Variants in ADAMTSL3 observed in about 807,000 individuals in gnomAD.
ADAMTSL3 encodes ADAMTS like 3.
In ADAMTSL3, 128 loss-of-function variants were observed where a neutral mutation model predicts 201.7. That is an observed-to-expected ratio of 0.63 (90% CI 0.55 to 0.73). The LOEUF is 0.73. ADAMTSL3 is among the 30% of genes least tolerant of loss of function. The pLI is 0.00. For synonymous variants in ADAMTSL3, 738 were observed against 748.4 expected (o/e 0.99, Z 0.23); for missense variants, 1,990 against 2,119.6 (o/e 0.94, Z 1.20).
chr15:83,964,056 A>T (rs769913374), intron 19 of ADAMTSL3, among the ~76,000 whole-genome samples: 2 of 152,218 alleles, frequency 1.3e-5, no homozygotes, highest in African/African-American at 4.8e-5. Context: ...ATAAATTCAC[A>T]AAGATGTGGA....
chr15:83,820,620 T>TA (rs1370165097), intron 6 of ADAMTSL3, among the ~76,000 whole-genome samples: 1 of 152,214 alleles, frequency 6.6e-6, no homozygotes, highest in Non-Finnish European at 1.5e-5. Context: ...TAAGCTTTCT[T>TA]ATTAAAATTA....
chr15:83,882,230 C>A lies in ADAMTSL3; in HGVS notation c.961-2871C>A, dbSNP rs78582839. On this transcript the variant is annotated intron_variant, in intron 9 of 29. Transcript: ENST00000286744. ...TTTAGGCAGCATTTTTATTTATTCTCATTGGGGAGATTCATCAGAAACAAG... is the reference window on the plus strand; with the variant it reads ...TTTAGGCAGCATTTTTATTTATTCTAATTGGGGAGATTCATCAGAAACAAG... Among the ~76,000 whole-genome samples, 425 of 152,250 alleles carry A rather than the reference C, an allele frequency of 2.8e-3. 3 individuals carry two copies. The highest frequency in any genetic ancestry group is 9.9e-3 in the African/African-American group (412 of 41,556).
chr15:83,959,791 T>C (rs1157971571), intron 19 of ADAMTSL3, among the ~76,000 whole-genome samples: 1 of 152,212 alleles, frequency 6.6e-6, no homozygotes, highest in African/African-American at 2.4e-5. Flanking sequence ...TTATGACATC[T>C]CCTCTCTCTG....
rs1159526659 is a variant in ADAMTSL3, at chr15:83,669,312, A to G, written c.69+13482A>G. On this transcript the variant is annotated intron_variant, in intron 2 of 29. Transcript: ENST00000286744. ...AGTTGTGCACCACCACGCGCGGCTAATTTTTGTATTTTTAGTAGAGACGGG... is the reference window on the plus strand; with the variant it reads ...AGTTGTGCACCACCACGCGCGGCTAGTTTTTGTATTTTTAGTAGAGACGGG... Among the ~76,000 whole-genome samples, 5 of 149,898 alleles carry G rather than the reference A, an allele frequency of 3.3e-5. No individual in the cohort carries two copies. The East Asian group carries it at 9.8e-4, about 30-fold the overall frequency.
In ADAMTSL3 at chr15:83,697,967, T is replaced by G. The variant is rs80311603; in HGVS notation, c.70-6422T>G. ...TAACCTCATTAGAACAAAAGATGCT[T>G]CTAGCACCCAGGAAATTCCAAGGAA... On this transcript the variant is annotated intron_variant, in intron 2 of 29. Transcript: ENST00000286744. Among the ~76,000 whole-genome samples, 875 of 151,368 alleles carry G rather than the reference T, an allele frequency of 5.8e-3. 4 individuals are homozygous for G. The highest frequency in any genetic ancestry group is 0.02 in the African/African-American group (809 of 41,268).
In ADAMTSL3 at chr15:83,982,498, A is replaced by G; in HGVS notation, c.2870A>G (p.Lys957Arg). 1 of 1,614,174 alleles carries G rather than the reference A, an allele frequency of 6.2e-7. No homozygotes were observed. The highest frequency in any genetic ancestry group is 1.1e-5 in the South Asian group (1 of 91,080). Residue 957 changes from lysine to arginine, a missense_variant, in exon 21 of 30, where the codon AAA (lysine) becomes AGA (arginine). By Grantham distance (26) the Lys-to-Arg change is conservative. Coordinates refer to ENST00000286744, the MANE Select transcript of ADAMTSL3 (RefSeq NM_207517.3). ...GATGGCCGTTGCCTGCAGAACTCCA[A>G]ACGGCTTGGCATCACCAAGTCAGGC... ...EKDGRCLQNS[K>R]RLGITKSGSL...
intron 4 of ADAMTSL3, among the ~76,000 whole-genome samples, chr15:83,801,651 A>AATAAAT (rs2063518782): frequency 7.7e-4 from 24 of 31,276 alleles, no homozygotes; most frequent in African/African-American, 1.5e-3. Flanking sequence ...TATAAATATA[A>AATAAAT]ATATATATAT....
intron 15 of ADAMTSL3, 31 bp downstream of exon 15, chr15:83,899,762 A>G (rs748872626): frequency 1.2e-6 from 2 of 1,600,444 alleles, no homozygotes; most frequent in Non-Finnish European, 1.7e-6. Context: ...AGGAATAATC[A>G]GGGCATAGCC....
chr15:83,862,698 G>A (rs2064891333), intron 8 of ADAMTSL3: 1 of 152,136 alleles, frequency 6.6e-6, no homozygotes, highest in Non-Finnish European at 1.5e-5. Flanking sequence ...ATGCTAGGAA[G>A]AAACTGCATC....
At chr15:83,689,419 C>T (rs2061583220) in intron 2 of ADAMTSL3, among the ~76,000 whole-genome samples, 1 of 152,142 alleles carries the variant, frequency 6.6e-6, no homozygotes, top group South Asian at 2.1e-4. Flanking sequence ...TTATAGTTTA[C>T]CATTTGAGTA....
At chr15:83,739,518 C>T (rs1056541025) in intron 3 of ADAMTSL3, among the ~76,000 whole-genome samples, 4 of 151,106 alleles carry the variant, frequency 2.6e-5, no homozygotes, top group South Asian at 2.1e-4. Flanking sequence ...ATACATGAAA[C>T]ATAAATGAAT....
intron 9 of ADAMTSL3, among the ~76,000 whole-genome samples, chr15:83,877,183 T>C (rs1349204848): frequency 6.6e-6 from 1 of 152,200 alleles, no homozygotes; most frequent in East Asian, 1.9e-4. Context: ...CAAGCGATTC[T>C]CCCACCTTGG....
chr15:83,934,749 G>A (rs1366312322), intron 17 of ADAMTSL3, among the ~76,000 whole-genome samples: 1 of 152,014 alleles, frequency 6.6e-6, no homozygotes, highest in Non-Finnish European at 1.5e-5. Context: ...AACTTAATAA[G>A]TAAAATAATT....
At chr15:83,801,639 TATATAA>T (rs1217171252) in intron 4 of ADAMTSL3, among the ~76,000 whole-genome samples, 371 of 29,814 alleles carry the variant, frequency 0.012, 5 homozygotes, top group Non-Finnish European at 0.016. Flanking sequence ...TATATATAAA[TATATAA>T]ATATAAATAT....
intron 3 of ADAMTSL3, among the ~76,000 whole-genome samples, chr15:83,756,189 A>G (rs1427729402): frequency 1.3e-5 from 2 of 152,222 alleles, no homozygotes; most frequent in East Asian, 1.9e-4. Context: ...CATTCCCACC[A>G]GCAATGAACA....
chr15:83,812,211 T>A (rs1012385354), intron 5 of ADAMTSL3, among the ~76,000 whole-genome samples: 1 of 151,938 alleles, frequency 6.6e-6, no homozygotes, highest in Admixed American at 6.6e-5. Flanking sequence ...ATAGCAGGAG[T>A]GGGGACCAGT....
At chr15:83,753,461 G>A (rs1357460998) in intron 3 of ADAMTSL3, among the ~76,000 whole-genome samples, 1 of 152,172 alleles carries the variant, frequency 6.6e-6, no homozygotes, top group African/African-American at 2.4e-5. Flanking sequence ...TTTGGTAGCT[G>A]TCAAATAATA....
intron 23 of ADAMTSL3, 148 bp downstream of exon 23, chr15:83,991,362 T>A: frequency 8.5e-7 from 1 of 1,182,556 alleles, no homozygotes; most frequent in Non-Finnish European, 1.2e-6. Context: ...ACACTGACAG[T>A]GGATCTAACT....
chr15:83,889,035 A>T (rs2065454161), intron 10 of ADAMTSL3, among the ~76,000 whole-genome samples: 1 of 152,216 alleles, frequency 6.6e-6, no homozygotes, highest in South Asian at 2.1e-4. Context: ...AACTTTAACA[A>T]GACACTTATG....
Sources: gnomAD v4.1 joint callset for allele counts (sites outside exome capture counted in the v4.1 genomes callset) on GRCh38, gnomAD v4.1.1 for gene constraint, MANE v1.5 for transcripts, NCBI Gene and HGNC (gene_info 2026-07-23, HGNC 2026-07-21) for gene names.